DZIP3: variants seen among roughly 807,000 people sequenced by gnomAD.
The protein encoded by DZIP3 is DAZ interacting zinc finger protein 3, also known as E3 ubiquitin-protein ligase DZIP3.
Under a neutral mutation model 162.0 loss-of-function variants are expected in DZIP3, and 118 were observed. That is an observed-to-expected ratio of 0.73 (90% CI 0.63 to 0.85). The LOEUF (loss-of-function observed/expected upper bound fraction) is 0.85. Among genes scored for constraint, DZIP3 ranks in the 40% least tolerant of loss-of-function variants. DZIP3 has a pLI of 0.00. For synonymous variants in DZIP3, 438 were observed against 458.6 expected (o/e 0.96, Z 0.57); for missense variants, 1,331 against 1,407.0 (o/e 0.95, Z 0.86).
chr3:108,655,670 C>T (rs1000090068), intron 19 of DZIP3, among the ~76,000 whole-genome samples: 3 of 152,140 alleles, frequency 2.0e-5, no homozygotes, highest in African/African-American at 4.8e-5. Context: ...GGGTGCGGCG[C>T]ACCGAGTGTG....
At chr3:108,595,625 T>C (rs954171222) in intron 1 of DZIP3, among the ~76,000 whole-genome samples, 1 of 152,248 alleles carries the variant, frequency 6.6e-6, no homozygotes, top group Non-Finnish European at 1.5e-5. Context: ...CGGCATCTTG[T>C]AACTCAAATT....
At chr3:108,607,869 G>T (rs751886791) in intron 2 of DZIP3, among the ~76,000 whole-genome samples, 2 of 151,988 alleles carry the variant, frequency 1.3e-5, no homozygotes, top group African/African-American at 4.8e-5. Flanking sequence ...TTTCATAATT[G>T]GCTTGCTGTT....
At position 108,677,562 on chromosome 3, in the gene DZIP3, C is replaced by T. The variant is rs767816539; in HGVS notation, c.2847C>T (p.Val949=). 1.2e-6 allele frequency: 2 copies of T among 1,612,692 alleles called. No individual in the cohort carries two copies. The highest frequency in any genetic ancestry group is 2.2e-5 in the South Asian group (2 of 91,032). ...QGFALSTLPP[V]QLPPPPPSPE... ...TTGCCTTGAGTACCTTGCCTCCAGT[C>T]CAGCTTCCTCCTCCACCACCCAGTC... The change falls in exon 26 of 33, where the codon GTC becomes GTT. Residue 949 remains valine, a synonymous_variant. Transcript: ENST00000361582.
chr3:108,682,801 A>G (rs1944368040), intron 26 of DZIP3, among the ~76,000 whole-genome samples: 1 of 150,820 alleles, frequency 6.6e-6, no homozygotes, highest in Non-Finnish European at 1.5e-5. Flanking sequence ...TGAAGTGATG[A>G]ATATGCCAAT....
chr3:108,686,690 A>G (rs1369541235), intron 28 of DZIP3, 106 bp downstream of exon 28: 2 of 1,304,406 alleles, frequency 1.5e-6, no homozygotes, highest in African/African-American at 1.5e-5. Context: ...AACACAAAAA[A>G]AGTACAGATG....
chr3:108,674,232 G>C, intron 24 of DZIP3, 51 bp downstream of exon 24: 1 of 1,442,532 alleles, frequency 6.9e-7, no homozygotes, highest in Non-Finnish European at 9.7e-7. Context: ...ATGTTAGCAA[G>C]TGTCTCCACG....
intron 21 of DZIP3, among the ~76,000 whole-genome samples, chr3:108,666,522 A>G (rs1296054058): frequency 6.6e-6 from 1 of 152,156 alleles, no homozygotes; most frequent in Non-Finnish European, 1.5e-5. Context: ...GACCTCAATA[A>G]CCACCATCAA....
chr3:108,617,672 AG>A (rs1941092782), intron 5 of DZIP3, among the ~76,000 whole-genome samples: 1 of 152,342 alleles, frequency 6.6e-6, no homozygotes, highest in East Asian at 1.9e-4. Context: ...TCTGGGGATT[AG>A]GGTTCTTACA....
intron 19 of DZIP3, among the ~76,000 whole-genome samples, chr3:108,660,962 A>G (rs1373425644): frequency 1.3e-5 from 2 of 152,132 alleles, no homozygotes; most frequent in Non-Finnish European, 2.9e-5. Context: ...TTAGAATGGC[A>G]GTCATTAAAA....
In DZIP3 at chr3:108,676,055, C is replaced by T. The variant is rs543226361; in HGVS notation, c.2781+182C>T. ...TTGTAGATAACATCCTAGACTCACACGTGTAGTCTTTTATATCCTTAGTCA... is the reference window on the plus strand; with the variant it reads ...TTGTAGATAACATCCTAGACTCACATGTGTAGTCTTTTATATCCTTAGTCA... On this transcript the variant is annotated intron_variant, in intron 25 of 32. Transcript: ENST00000361582. Among the ~76,000 whole-genome samples, 4 of 152,194 alleles carry T rather than the reference C, an allele frequency of 2.6e-5. No homozygotes were observed. The East Asian group carries it at 7.7e-4, about 29-fold the overall frequency.
At position 108,644,695 on chromosome 3, in the gene DZIP3, T is replaced by A. The variant is rs1942549015; in HGVS notation, c.1673T>A (p.Ile558Asn). 1 of 1,613,402 alleles carries A rather than the reference T, an allele frequency of 6.2e-7. No homozygotes were observed. Among genetic ancestry groups the A allele is most frequent in the East Asian group, 2.2e-5 (1 of 44,868 alleles). ...DKVKENPIENISLDYHQLSVY... is the reference protein window; with the variant it reads ...DKVKENPIENNSLDYHQLSVY... ...GTGAAGGAGAATCCCATTGAGAATA[T>A]CTCCCTTGATTACCATCAGCTATCT... Residue 558 changes from isoleucine (I) to asparagine (N), a missense_variant, in exon 14 of 33, where the codon ATC becomes AAC. By Grantham distance (149) the Ile-to-Asn change is moderately radical. Transcript: ENST00000361582.
chr3:108,634,793 A>C, intron 9 of DZIP3, 78 bp from the exon 10 acceptor site: 2 of 717,146 alleles, frequency 2.8e-6, no homozygotes, highest in Admixed American at 6.5e-5. Flanking sequence ...AATAATTTTT[A>C]AAGTGACAAT....
chr3:108,607,719 C>T (rs184365198), intron 2 of DZIP3, among the ~76,000 whole-genome samples: 1 of 152,152 alleles, frequency 6.6e-6, no homozygotes, highest in African/African-American at 2.4e-5. Flanking sequence ...AGATAGATCT[C>T]TCCCTAACCT....
At chr3:108,665,451 T>C (rs977860761) in intron 21 of DZIP3, among the ~76,000 whole-genome samples, 1 of 151,868 alleles carries the variant, frequency 6.6e-6, no homozygotes, top group African/African-American at 2.4e-5. Context: ...GAGAAAAAAA[T>C]TAAAAAGAGT....
chr3:108,640,407 T>TG (rs986345884), intron 12 of DZIP3, among the ~76,000 whole-genome samples: 1 of 151,670 alleles, frequency 6.6e-6, no homozygotes, highest in Non-Finnish European at 1.5e-5. Flanking sequence ...TTTTTTTTTT[T>TG]TTTTTTGACA....
chr3:108,677,863 C>T (rs1944168082), intron 26 of DZIP3, among the ~76,000 whole-genome samples: 1 of 152,000 alleles, frequency 6.6e-6, no homozygotes, highest in Non-Finnish European at 1.5e-5. Flanking sequence ...CACCCTATTT[C>T]ACCTACCTTG....
chr3:108,685,553 A>G (rs1944467961), intron 27 of DZIP3, among the ~76,000 whole-genome samples: 1 of 152,174 alleles, frequency 6.6e-6, no homozygotes, highest in African/African-American at 2.4e-5. Context: ...TTATTATATT[A>G]TTTAATTAGA....
In DZIP3 at chr3:108,686,514, A is replaced by C; in HGVS notation, c.3079A>C (p.Ser1027Arg). 2 of 1,612,660 alleles carry C rather than the reference A, an allele frequency of 1.2e-6. No individual in the cohort carries two copies. The highest frequency in any genetic ancestry group is 1.7e-6 in the Non-Finnish European group (2 of 1,179,596). ...TGTGCCTCCCAGTGCAGGTCTGCGG[A>C]GTGATCCCTCCATCATGAATTGGGA... Reference protein sequence around the residue: ...DAVPPSAGLRSDPSIMNWERI... With the variant: ...DAVPPSAGLRRDPSIMNWERI... Residue 1027 changes from serine (S) to arginine (R), a missense_variant, in exon 28 of 33, where the codon AGT becomes CGT. Coordinates refer to ENST00000361582, the MANE Select transcript of DZIP3 (RefSeq NM_014648.4).
At chr3:108,640,780 T>C (rs1942367628) in intron 12 of DZIP3, among the ~76,000 whole-genome samples, 1 of 152,130 alleles carries the variant, frequency 6.6e-6, no homozygotes, top group Non-Finnish European at 1.5e-5. Flanking sequence ...TATTCTTGCC[T>C]TAAGTGTTTT....
Sources: gnomAD v4.1 joint callset for allele counts (sites outside exome capture counted in the v4.1 genomes callset) on GRCh38, gnomAD v4.1.1 for gene constraint, MANE v1.5 for transcripts, NCBI Gene and HGNC (gene_info 2026-07-23, HGNC 2026-07-21) for gene names.